The following STIMATE variants were observed in gnomAD, a reference collection of about 807,000 sequenced individuals.
The protein encoded by STIMATE is STIM activating enhancer, also known as store-operated calcium entry regulator STIMATE.
STIMATE carries 15 observed loss-of-function variants against 36.7 expected under a neutral mutation model. That is an observed-to-expected ratio of 0.41 (90% confidence interval 0.27 to 0.63). The LOEUF is 0.63. Ranked by LOEUF, STIMATE falls within the 20% of genes least tolerant of loss-of-function variation. STIMATE has a pLI of 0.32. For missense variants in STIMATE, 305 were observed against 397.3 expected (o/e 0.77, Z 1.98); for synonymous variants, 163 against 162.3 (o/e 1.00, Z -0.03).
At chr3:52,881,294 GA>G (rs1013827950) in intron 1 of STIMATE, among the ~76,000 whole-genome samples, 2 of 150,596 alleles carry the variant, frequency 1.3e-5, no homozygotes, top group Admixed American at 6.6e-5. Context: ...AGAAAATGTG[GA>G]AAAAAAAAGA....
At chr3:52,885,693 T>C (rs922621524) in intron 1 of STIMATE, among the ~76,000 whole-genome samples, 3 of 152,238 alleles carry the variant, frequency 2.0e-5, no homozygotes, top group African/African-American at 7.2e-5. Flanking sequence ...CTTTTTCCTC[T>C]GTACTGTCCC....
intron 4 of STIMATE, chr3:52,847,467 C>T (rs950758509): frequency 1.6e-6 from 2 of 1,289,278 alleles, no homozygotes; most frequent in South Asian, 1.2e-5. Context: ...CCATGCGTCA[C>T]CTGGATCTGG....
In STIMATE at chr3:52,853,036, A is replaced by G. The variant is rs1701035018; in HGVS notation, c.210-338T>C. Among the ~76,000 whole-genome samples, 3 of 152,232 alleles carry G rather than the reference A, an allele frequency of 2.0e-5. No homozygotes were observed. In the South Asian group the frequency reaches 6.2e-4, roughly 31 times the overall value. On this transcript the variant is annotated intron_variant, in intron 2 of 7. Coordinates refer to ENST00000355083, the MANE Select transcript of STIMATE (RefSeq NM_198563.5). The stretch of plus-strand genomic sequence containing the variant: ...AGAGCTCCCATTCAACTTCACTCAC[A>G]ATGAGCTAAATTATGTGTGAAATTA...
At chr3:52,850,993 T>C (rs1354302846) in intron 3 of STIMATE, among the ~76,000 whole-genome samples, 1 of 152,084 alleles carries the variant, frequency 6.6e-6, no homozygotes, top group East Asian at 1.9e-4. Flanking sequence ...CCTCCCAAAG[T>C]GTTGGGATTA....
intron 2 of STIMATE, among the ~76,000 whole-genome samples, chr3:52,854,690 T>C (rs879830922): frequency 5.3e-5 from 8 of 152,236 alleles, no homozygotes; most frequent in Admixed American, 2.0e-4. Context: ...TGGGAACCCC[T>C]GACTTTATAG....
chr3:52,887,629 G>C (rs1701710968), intron 1 of STIMATE, among the ~76,000 whole-genome samples: 2 of 152,166 alleles, frequency 1.3e-5, no homozygotes, highest in Admixed American at 1.3e-4. Context: ...CTTTGAGACA[G>C]TGCCTCTCCT....
intron 1 of STIMATE, among the ~76,000 whole-genome samples, 200 bp downstream of exon 1, chr3:52,897,091 G>T (rs1470875379): frequency 2.0e-5 from 3 of 152,146 alleles, no homozygotes; most frequent in African/African-American, 7.2e-5. Flanking sequence ...AAAGGGGAAG[G>T]GTCACTCCTG....
intron 3 of STIMATE, among the ~76,000 whole-genome samples, chr3:52,850,910 G>A (rs1157366504): frequency 6.6e-6 from 1 of 152,092 alleles, no homozygotes; most frequent in Non-Finnish European, 1.5e-5. Context: ...TGTATTTTTA[G>A]TAGAGACAGG....
At chr3:52,877,766 C>T (rs1408599416) in intron 1 of STIMATE, among the ~76,000 whole-genome samples, 1 of 152,226 alleles carries the variant, frequency 6.6e-6, no homozygotes, top group Admixed American at 6.5e-5. Context: ...CAGTGCCAAG[C>T]ACTGTATCTC....
At chr3:52,870,948 A>G (rs1575340729) in intron 1 of STIMATE, among the ~76,000 whole-genome samples, 1 of 151,238 alleles carries the variant, frequency 6.6e-6, no homozygotes, top group Admixed American at 6.6e-5. Flanking sequence ...CCTTCTCGAC[A>G]CTCCCACAAC....
intron 1 of STIMATE, among the ~76,000 whole-genome samples, chr3:52,875,838 G>C (rs909511277): frequency 1.1e-4 from 16 of 152,170 alleles, no homozygotes; most frequent in Non-Finnish European, 2.2e-4. Flanking sequence ...TCCCCAGCAG[G>C]GGTGGAGGGG....
At position 52,840,290 on chromosome 3, in the gene STIMATE, C is replaced by T. The variant is rs1020107203; in HGVS notation, c.*204G>A. ...GTGCAACTGAATGGGGACCTCCAGC[C>T]GCCAGTGGCCCCCTCGGGCGCTGGC... On this transcript the variant is annotated 3_prime_UTR_variant, in exon 8 of 8. Coordinates refer to ENST00000355083, the MANE Select transcript of STIMATE (RefSeq NM_198563.5). The T allele has an allele frequency of 6.9e-5, 37 of 537,036 alleles. 1 individual carries two copies. In the South Asian group the frequency reaches 8.2e-4, roughly 12 times the overall value. 33.3% of individuals were successfully genotyped at this position (537,036 alleles called of 1,614,324 possible).
At chr3:52,872,886 A>G (rs1200540174) in intron 1 of STIMATE, among the ~76,000 whole-genome samples, 1 of 152,254 alleles carries the variant, frequency 6.6e-6, no homozygotes, top group Non-Finnish European at 1.5e-5. Context: ...TTGGCCTCCC[A>G]AAGTGTTGGG....
At chr3:52,863,534 A>T (rs1471808176) in intron 1 of STIMATE, among the ~76,000 whole-genome samples, 1 of 152,206 alleles carries the variant, frequency 6.6e-6, no homozygotes, top group Non-Finnish European at 1.5e-5. Context: ...AAACCACATC[A>T]TTCTGCCACT....
chr3:52,875,036 T>A (rs954817180), intron 1 of STIMATE, among the ~76,000 whole-genome samples: 1 of 152,192 alleles, frequency 6.6e-6, no homozygotes, highest in Admixed American at 6.5e-5. Flanking sequence ...GCCACTTTAG[T>A]CTGCAACTGA....
intron 7 of STIMATE, among the ~76,000 whole-genome samples, 176 bp downstream of exon 7, chr3:52,842,635 T>C (rs893381795): frequency 3.3e-5 from 5 of 152,230 alleles, no homozygotes; most frequent in African/African-American, 1.2e-4. Context: ...GAATGGGTCC[T>C]GGCTGGACAG....
In STIMATE at chr3:52,877,891, C is replaced by T. The variant is rs938793235; in HGVS notation, c.160+19400G>A. On this transcript the variant is annotated intron_variant, in intron 1 of 7. Coordinates refer to ENST00000355083, the MANE Select transcript of STIMATE (RefSeq NM_198563.5). Reference sequence around the variant, plus strand: ...CGGGCAGATCACGAGGTCAGGAGATCGAGACCATCCTGGGTAACACAGTGA... The same window carrying T: ...CGGGCAGATCACGAGGTCAGGAGATTGAGACCATCCTGGGTAACACAGTGA... Among the ~76,000 whole-genome samples, 8 of 152,194 alleles carry T rather than the reference C, an allele frequency of 5.3e-5. No individual in the cohort carries two copies. In the East Asian group the frequency reaches 5.8e-4, roughly 11 times the overall value.
intron 1 of STIMATE, 73 bp downstream of exon 1, chr3:52,897,218 G>T: frequency 6.6e-7 from 1 of 1,507,308 alleles, no homozygotes; most frequent in Non-Finnish European, 8.8e-7. Context: ...CTCCGCGCAG[G>T]AGGGGCCCCC....
In STIMATE at chr3:52,847,641, G is replaced by A. The variant is rs147718267; in HGVS notation, c.427+2151C>T. On this transcript the variant is annotated intron_variant, in intron 4 of 7. Transcript: ENST00000355083. ...TGTGGTACCTCTTCCTCAAATGGAT[G>A]GGCAGGATAACAGGTGTGGGAGGTG... 9.5e-4 allele frequency: 982 copies of A among 1,029,392 alleles called. 1 individual carries two copies. The highest frequency in any genetic ancestry group is 1.2e-3 in the Non-Finnish European group (920 of 751,794). The allele number at this position is 1,029,392 out of a possible 1,614,324, so 63.8% of individuals were successfully genotyped here.
Sources: gnomAD v4.1 joint callset for allele counts (sites outside exome capture counted in the v4.1 genomes callset) on GRCh38, gnomAD v4.1.1 for gene constraint, MANE v1.5 for transcripts, NCBI Gene and HGNC (gene_info 2026-07-23, HGNC 2026-07-21) for gene names.